Variants in NR4A1 observed in about 807,000 individuals in gnomAD.
The protein encoded by NR4A1 is nuclear receptor subfamily 4immunitygroup A member 1.
Under a neutral mutation model 47.5 loss-of-function variants are expected in NR4A1, and 24 were observed. That is an observed-to-expected ratio of 0.50 (90% CI 0.37 to 0.71). The LOEUF is 0.71. NR4A1 is among the 30% of genes least tolerant of loss of function. The pLI is 0.00. For synonymous variants in NR4A1, 353 were observed against 345.7 expected (o/e 1.02, Z -0.24); for missense variants, 669 against 788.6 (o/e 0.85, Z 1.82).
chr12:52,056,428 A>G (rs1012874808), intron 3 of NR4A1, 66 bp from the exon 4 acceptor site: 2 of 1,582,568 alleles, frequency 1.3e-6, no homozygotes, highest in Non-Finnish European at 1.7e-6. Flanking sequence ...AGTGGTGTGC[A>G]CGGCTTGGGC....
At chr12:52,052,019 G>A (rs997939872) in intron 1 of NR4A1, among the ~76,000 whole-genome samples, 4 of 152,134 alleles carry the variant, frequency 2.6e-5, no homozygotes, top group African/African-American at 9.7e-5. Flanking sequence ...CAGCCTGTCA[G>A]CTCCCTCCCA....
chr12:52,031,236 G>A (rs1938121031), intron 1 of NR4A1, among the ~76,000 whole-genome samples: 1 of 151,608 alleles, frequency 6.6e-6, no homozygotes, highest in African/African-American at 2.4e-5. Flanking sequence ...ACGTTGCCCA[G>A]GCTGGTCTCA....
chr12:52,054,755 A>T lies in NR4A1; in HGVS notation c.427A>T (p.Thr143Ser). 6.2e-7 allele frequency: 1 copy of T among 1,612,290 alleles called. No homozygotes were observed. Among genetic ancestry groups the T allele is most frequent in the Admixed American group, 1.7e-5 (1 of 59,992 alleles). The change falls in exon 2 of 7, where the codon ACG becomes TCG. Residue 143 changes from threonine (T) to serine (S), a missense_variant. Transcript: ENST00000394825. ...CCCCTGCTCGGCCCCGTCGCCCTCC[A>T]CGCCCAGCTTCCAGCCGCCCCAGCT... is the stretch of plus-strand genomic sequence containing the variant. ...GSPCSAPSPS[T>S]PSFQPPQLSP...
intron 1 of NR4A1, among the ~76,000 whole-genome samples, chr12:52,032,259 TG>T (rs1343405631): frequency 1.3e-5 from 2 of 152,226 alleles, no homozygotes; most frequent in African/African-American, 4.8e-5. Context: ...TAATTTAATC[TG>T]TTAAGGACCT....
At chr12:52,047,427 C>T (rs1003608273), upstream of NR4A1, among the ~76,000 whole-genome samples, 2 of 152,256 alleles carry the variant, frequency 1.3e-5, no homozygotes, top group Non-Finnish European at 2.9e-5. Context: ...TTATCTTAGG[C>T]TAGGTGCTCC....
upstream of NR4A1, among the ~76,000 whole-genome samples, chr12:52,048,076 C>T (rs780984118): frequency 2.6e-5 from 4 of 151,478 alleles, no homozygotes. Context: ...ATGGCATGAA[C>T]CTGGGAGGCG....
At chr12:52,040,335 G>A (rs1938387257) in intron 1 of NR4A1, among the ~76,000 whole-genome samples, 1 of 152,198 alleles carries the variant, frequency 6.6e-6, no homozygotes, top group African/African-American at 2.4e-5. Context: ...AGAACCAGAT[G>A]GGGAAGACCT....
intron 1 of NR4A1, among the ~76,000 whole-genome samples, chr12:52,029,494 C>T (rs1025846338): frequency 7.9e-5 from 12 of 152,136 alleles, no homozygotes; most frequent in Non-Finnish European, 1.5e-5. Context: ...TTGAGACCAG[C>T]CTGGGCAACA....
At chr12:52,042,264 G>A (rs1565643750) in intron 2 of NR4A1, among the ~76,000 whole-genome samples, 1 of 152,100 alleles carries the variant, frequency 6.6e-6, no homozygotes, top group East Asian at 1.9e-4. Context: ...GTAGAATAGG[G>A]TGTCTGGGGG....
At chr12:52,026,739 G>C (rs1408369799) in intron 1 of NR4A1, among the ~76,000 whole-genome samples, 1 of 152,166 alleles carries the variant, frequency 6.6e-6, no homozygotes, top group East Asian at 1.9e-4. Flanking sequence ...CTTAGCAGAT[G>C]TACAAAGCCC....
intron 1 of NR4A1, chr12:52,037,725 G>A (rs1308519171): frequency 3.0e-6 from 3 of 985,416 alleles, no homozygotes; most frequent in African/African-American, 3.5e-5. Context: ...TTTCTCCGCC[G>A]GCTGCGGGAA....
At chr12:52,035,440 A>G (rs546476027) in intron 1 of NR4A1, among the ~76,000 whole-genome samples, 1 of 152,142 alleles carries the variant, frequency 6.6e-6, no homozygotes, top group Non-Finnish European at 1.5e-5. Flanking sequence ...ACACAGGCAA[A>G]TATTTTAAAA....
intron 2 of NR4A1, 169 bp downstream of exon 2, chr12:52,055,373 A>G: frequency 1.3e-6 from 1 of 788,164 alleles, no homozygotes; most frequent in Non-Finnish European, 2.0e-6. Context: ...CGTAGATGCC[A>G]GGGCTGGAAG....
chr12:52,036,862 G>T (rs1399005250), intron 1 of NR4A1, among the ~76,000 whole-genome samples: 1 of 152,204 alleles, frequency 6.6e-6, no homozygotes, highest in Non-Finnish European at 1.5e-5. Flanking sequence ...TCCTGGGGAA[G>T]CCCCGGCTAA....
intron 2 of NR4A1, chr12:52,055,478 G>A (rs1052539959): frequency 2.4e-5 from 14 of 581,308 alleles, no homozygotes; most frequent in East Asian, 1.1e-4. Flanking sequence ...GGTGCCTGGC[G>A]AGCCTCTGGT....
At chr12:52,040,089 C>T (rs1018964547) in intron 1 of NR4A1, among the ~76,000 whole-genome samples, 1 of 152,174 alleles carries the variant, frequency 6.6e-6, no homozygotes, top group African/African-American at 2.4e-5. Flanking sequence ...CTGTACTTGA[C>T]CTTGGTTCAT....
In NR4A1 at chr12:52,056,510, C is replaced by T; in HGVS notation, c.1023C>T (p.Ser341=). The T allele has an allele frequency of 6.2e-7, 1 of 1,613,232 alleles. No individual in the cohort carries two copies. Among genetic ancestry groups the T allele is most frequent in the East Asian group, 2.2e-5 (1 of 44,788 alleles). Residue 341 remains serine, a synonymous_variant, in exon 4 of 7, where the codon AGC becomes AGT. Transcript: ENST00000394825. ...GMVKEVVRTD[S]LKGRRGRLPS... Reference sequence around the variant, plus strand: ...CCTTTGCAGTTGTCCGAACAGACAGCCTGAAGGGGCGGCGGGGCCGGCTAC... The same window carrying T: ...CCTTTGCAGTTGTCCGAACAGACAGTCTGAAGGGGCGGCGGGGCCGGCTAC...
chr12:52,057,811 T>C (rs1939355725), intron 6 of NR4A1, among the ~76,000 whole-genome samples: 1 of 152,208 alleles, frequency 6.6e-6, no homozygotes, highest in Non-Finnish European at 1.5e-5. Context: ...GGCTTGTTTT[T>C]AAAACCTTCC....
chr12:52,037,287 T>TGGCGGC, intron 1 of NR4A1: 2 of 768,860 alleles, frequency 2.6e-6, no homozygotes, highest in African/African-American at 1.9e-5. Context: ...GAGGAGGAGG[T>TGGCGGC]GGCGGCGGCG....
Sources: allele counts gnomAD v4.1 joint callset (sites outside exome capture counted in the v4.1 genomes callset), GRCh38; gene constraint gnomAD v4.1.1; transcripts MANE v1.5; gene names NCBI Gene and HGNC (gene_info 2026-07-23, HGNC 2026-07-21).